RPGR: variants seen among roughly 807,000 people sequenced by gnomAD.
The protein encoded by RPGR is retinitis pigmentosa GTPase regulator.
A neutral mutation model predicts 56.3 loss-of-function variants in RPGR; 10 were observed. The observed-to-expected ratio is 0.18, with a 90% confidence interval of 0.11 to 0.30. The LOEUF (loss-of-function observed/expected upper bound fraction) is 0.30, where lower values mean the gene tolerates loss of function less well. Among genes scored for constraint, RPGR ranks in the 10% least tolerant of loss-of-function variants. The pLI, the probability that RPGR is intolerant of heterozygous loss-of-function variation, is 1.00. For synonymous variants in RPGR, 197 were observed against 212.9 expected (o/e 0.93, Z 0.65); for missense variants, 538 against 590.9 (o/e 0.91, Z 0.93).
chrX:38,284,701 A>G lies in RPGR; in HGVS notation c.1905+2393T>C, dbSNP rs929838168. On this transcript the variant is annotated intron_variant, in intron 15 of 18. Transcript: ENST00000642395. ...TAAAACGTTTCTTACATGAATAACA[A>G]TAATGATAGAGTGAATCTGTGAGAA... is the stretch of plus-strand genomic sequence containing the variant. 11 of 714,663 alleles carry G rather than the reference A, an allele frequency of 1.5e-5. No individual in the cohort carries two copies. In the African/African-American group the frequency reaches 2.6e-4, roughly 17 times the overall value. 58.9% of individuals were successfully genotyped at this position (714,663 alleles called of 1,213,427 possible). A position where few individuals can be genotyped will look rare whatever the true frequency, so the allele number is the denominator to read the frequency against.
At chrX:38,308,890 A>G (rs2067653298) in intron 7 of RPGR, among the ~76,000 whole-genome samples, 1 of 111,581 alleles carries the variant, frequency 9.0e-6, no homozygotes, top group South Asian at 3.7e-4. Context: ...AACATCAGAG[A>G]AAAAAACATA....
At chrX:38,300,982 C>T (rs2067491231) in intron 9 of RPGR, among the ~76,000 whole-genome samples, 1 of 111,586 alleles carries the variant, frequency 9.0e-6, no homozygotes, top group South Asian at 3.7e-4. Context: ...ATGGCACAGT[C>T]CCAGCTTTCA....
intron 1 of RPGR, 124 bp downstream of exon 1, chrX:38,327,216 T>G: frequency 1.4e-6 from 1 of 694,527 alleles, no homozygotes; most frequent in South Asian, 2.9e-5. Flanking sequence ...CAACCAGCGA[T>G]CCCGCCCCAG....
At chrX:38,292,470 C>A (rs17144080) in intron 11 of RPGR, among the ~76,000 whole-genome samples, 10,439 of 111,206 alleles carry the variant, frequency 0.094, 506 homozygotes, top group African/African-American at 0.16. Flanking sequence ...TACATTTGGA[C>A]GTAGCTCCTT....
At chrX:38,309,779 G>C (rs1274440466) in intron 7 of RPGR, among the ~76,000 whole-genome samples, 1 of 111,260 alleles carries the variant, frequency 9.0e-6, no homozygotes, top group East Asian at 2.8e-4. Flanking sequence ...AGTGAGCCAA[G>C]ATCAGGCCAT....
At position 38,315,417 on chromosome X, in the gene RPGR, C is replaced by T. The variant is rs193075098; in HGVS notation, c.619+1899G>A. Among the ~76,000 whole-genome samples the T allele has an allele frequency of 1.1e-3, 120 of 111,744 alleles. 4 individuals are homozygous for T. In the East Asian group the frequency reaches 0.029, roughly 27 times the overall value. The stretch of plus-strand genomic sequence containing the variant: ...AATGAGATCCGGTCATTTGCAATAA[C>T]GTGGATGGAACTGGAAGTCATTACG... On this transcript the variant is annotated intron_variant, in intron 6 of 18. Transcript: ENST00000642395.
chrX:38,313,483 AC>A (rs1427657913), intron 6 of RPGR, among the ~76,000 whole-genome samples: 1 of 112,111 alleles, frequency 8.9e-6, no homozygotes, highest in Non-Finnish European at 1.9e-5. Flanking sequence ...CATAGGAATA[AC>A]CGAATTAATG....
At position 38,293,228 on chromosome X, in the gene RPGR, C is replaced by T. The variant is rs188683807; in HGVS notation, c.1415-1744G>A. 1.1e-3 allele frequency among the ~76,000 whole-genome samples: 125 copies of T among 111,255 alleles called. 1 individual carries two copies. Among genetic ancestry groups the T allele is most frequent in the African/African-American group, 4.0e-3 (124 of 30,643 alleles). On this transcript the variant is annotated intron_variant, in intron 11 of 18. Transcript: ENST00000642395. Reference sequence around the variant, plus strand: ...AGTAAACATCTTAGGCTTCCTGGGCCATATGGTCTCTGTCCTAACTAACCT... The same window carrying T: ...AGTAAACATCTTAGGCTTCCTGGGCTATATGGTCTCTGTCCTAACTAACCT...
rs193297978 is a variant in RPGR, at chrX:38,317,840, C to T, written c.470-375G>A. On this transcript the variant is annotated intron_variant, in intron 5 of 18. Coordinates refer to ENST00000642395, the MANE Select transcript of RPGR (RefSeq NM_000328.3). Reference sequence around the variant, plus strand: ...AACTGAACTGAAAGACAGCACAGGTCACATTAGACACCTGCAGGTCAAAAA... The same window carrying T: ...AACTGAACTGAAAGACAGCACAGGTTACATTAGACACCTGCAGGTCAAAAA... The T allele has an allele frequency of 2.8e-3, 351 of 126,206 alleles. 6 individuals are homozygous for T. Among genetic ancestry groups the T allele is most frequent in the Non-Finnish European group, 3.7e-3 (228 of 62,404 alleles). 10.4% of individuals were successfully genotyped at this position (126,206 alleles called of 1,213,427 possible). A position where few individuals can be genotyped will look rare whatever the true frequency, so the allele number is the denominator to read the frequency against.
chrX:38,295,650 GTCA>G (rs1188265221), intron 11 of RPGR, among the ~76,000 whole-genome samples: 1 of 111,764 alleles, frequency 8.9e-6, no homozygotes, highest in Non-Finnish European at 1.9e-5. Context: ...AAAGTTGTGG[GTCA>G]GGTGCAAGAA....
At chrX:38,311,309 T>C (rs750060742) in intron 6 of RPGR, among the ~76,000 whole-genome samples, 3 of 112,551 alleles carry the variant, frequency 2.7e-5, no homozygotes, top group Non-Finnish European at 5.6e-5. Flanking sequence ...ACTTAATCAC[T>C]GCCCTGTCCA....
chrX:38,273,573 G>C, intron 17 of RPGR: 4 of 630,810 alleles, frequency 6.3e-6, no homozygotes, highest in Non-Finnish European at 1.0e-5. Context: ...TGAGTTGTGG[G>C]GTAATACGAA....
In RPGR at chrX:38,327,460, G is replaced by A. The variant is rs2068075163; in HGVS notation, c.-93C>T. On this transcript the variant is annotated 5_prime_UTR_variant, in exon 1 of 19. Coordinates refer to ENST00000642395, the MANE Select transcript of RPGR (RefSeq NM_000328.3). ...AAGCAGCTACTCCGCACCGACGCGG[G>A]CCGCGAAAGCCCCCAAGTTCCGCAT... 1 of 895,531 alleles carries A rather than the reference G, an allele frequency of 1.1e-6. No homozygotes were observed. The highest frequency in any genetic ancestry group is 1.5e-6 in the Non-Finnish European group (1 of 661,667). 73.8% of individuals were successfully genotyped at this position (895,531 alleles called of 1,213,427 possible).
intron 6 of RPGR, among the ~76,000 whole-genome samples, chrX:38,314,026 A>C (rs1209211805): frequency 9.0e-6 from 1 of 111,608 alleles, no homozygotes; most frequent in African/African-American, 3.3e-5. Flanking sequence ...TCACACATAA[A>C]ATACACTAAT....
chrX:38,301,121 T>C lies in RPGR; in HGVS notation c.1059+126A>G, dbSNP rs888516107. ...TGACATTTGGCTTTTAGGAAACAAG[T>C]ATATTTATTAGATATATATATGATA... On this transcript the variant is annotated intron_variant, in intron 9 of 18. Coordinates refer to ENST00000642395, the MANE Select transcript of RPGR (RefSeq NM_000328.3). The C allele has an allele frequency of 2.6e-5, 15 of 585,633 alleles. No homozygotes were observed. The South Asian group carries it at 4.2e-4, about 16-fold the overall frequency. 48.3% of individuals were successfully genotyped at this position (585,633 alleles called of 1,213,427 possible).
chrX:38,297,557 T>C, intron 10 of RPGR, 105 bp from the exon 11 acceptor site: 1 of 665,257 alleles, frequency 1.5e-6, no homozygotes. Flanking sequence ...AAGTTCAAAG[T>C]ATGCCAACAC....
chrX:38,304,548 G>T, intron 8 of RPGR, 87 bp downstream of exon 8: 1 of 758,768 alleles, frequency 1.3e-6, no homozygotes, highest in Non-Finnish European at 2.0e-6. Context: ...CTTTACTTAA[G>T]TTAGATACAT....
At chrX:38,273,647 A>C (rs1355062341) in intron 17 of RPGR, 9 of 384,652 alleles carry the variant, frequency 2.3e-5, no homozygotes, top group Admixed American at 4.5e-5. Flanking sequence ...AGTTGAGTTA[A>C]AGTGAAAAGC....
intron 11 of RPGR, among the ~76,000 whole-genome samples, chrX:38,295,334 T>C (rs766572163): frequency 2.7e-5 from 3 of 112,423 alleles, no homozygotes; most frequent in East Asian, 5.6e-4. Flanking sequence ...ATTATAAAGA[T>C]TGAAGTCTGT....
Sources: allele counts gnomAD v4.1 joint callset (sites outside exome capture counted in the v4.1 genomes callset), GRCh38; gene constraint gnomAD v4.1.1; transcripts MANE v1.5; gene names NCBI Gene and HGNC (gene_info 2026-07-23, HGNC 2026-07-21).